Variants in BATF observed in about 807,000 individuals in gnomAD.
BATF encodes basic leucine zipper transcriptional factor ATF-like.
A neutral mutation model predicts 13.7 loss-of-function variants in BATF; 5 were observed. The ratio of observed to expected loss-of-function variants is 0.36; its 90% CI spans 0.19 to 0.77. BATF has a LOEUF of 0.77. Ranked by LOEUF, BATF falls within the 30% of genes least tolerant of loss-of-function variation. The probability of loss-of-function intolerance (pLI) is 0.51; values close to 1 mark genes in which losing one functional copy is unlikely to be tolerated. For synonymous variants in BATF, 72 were observed against 67.5 expected, an observed-to-expected ratio of 1.07 and a Z score of -0.33; for missense variants, 124 against 163.0, an observed-to-expected ratio of 0.76 and a Z score of 1.30.
chr14:75,538,769 C>T (rs1595007393), intron 2 of BATF, among the ~76,000 whole-genome samples: 1 of 152,168 alleles, frequency 6.6e-6, no homozygotes, highest in African/African-American at 2.4e-5. Context: ...GGCATGGTGG[C>T]GGGTGCCCGT....
chr14:75,532,501 A>ATTGTATCTTTTTTTTTTTGAG (rs1415949011), intron 2 of BATF, among the ~76,000 whole-genome samples: 1 of 152,222 alleles, frequency 6.6e-6, no homozygotes, highest in Non-Finnish European at 1.5e-5. Flanking sequence ...ACAATATGTC[A>ATTGTATCTTTTTTTTTTTGAG]ATTGAAATCT....
chr14:75,529,497 A>G (rs779896098), intron 2 of BATF, among the ~76,000 whole-genome samples: 35 of 152,320 alleles, frequency 2.3e-4, no homozygotes, highest in Admixed American at 3.3e-4. Flanking sequence ...AGAAACTTGA[A>G]AAGACAAATA....
intron 2 of BATF, among the ~76,000 whole-genome samples, chr14:75,531,191 A>G (rs552369130): frequency 6.6e-6 from 1 of 152,278 alleles, no homozygotes; most frequent in Non-Finnish European, 1.5e-5. Flanking sequence ...GGGAGAACCA[A>G]CTGTAAGTTG....
In BATF at chr14:75,522,692, A is replaced by C. The variant is rs1417322594; in HGVS notation, c.10A>C (p.Ser4Arg). 1 of 1,614,044 alleles carries C rather than the reference A, an allele frequency of 6.2e-7. No individual in the cohort carries two copies. Among genetic ancestry groups the C allele is most frequent in the African/African-American group, 1.3e-5 (1 of 74,916 alleles). The change falls in exon 1 of 3, where the codon AGC becomes CGC. Residue 4 changes from serine to arginine, a missense_variant. Ser to Arg is a moderately radical substitution (Grantham distance 110). Transcript: ENST00000286639. Reference sequence around the variant, plus strand: ...CCGGAAGATTTCAGCCATGCCTCACAGCTCCGACAGCAGTGACTCCAGCTT... The same window carrying C: ...CCGGAAGATTTCAGCCATGCCTCACCGCTCCGACAGCAGTGACTCCAGCTT... MPH[S>R]SDSSDSSFSR...
intron 2 of BATF, among the ~76,000 whole-genome samples, chr14:75,533,978 C>T (rs1286199215): frequency 2.0e-5 from 3 of 152,256 alleles, no homozygotes; most frequent in African/African-American, 7.2e-5. Flanking sequence ...CAAAGGTGGG[C>T]CAAGAAGCAG....
At chr14:75,536,652 G>T (rs1437822793) in intron 2 of BATF, among the ~76,000 whole-genome samples, 1 of 151,842 alleles carries the variant, frequency 6.6e-6, no homozygotes, top group African/African-American at 2.4e-5. Flanking sequence ...AAGTCCAAGA[G>T]GTCGAGGTTG....
intron 2 of BATF, among the ~76,000 whole-genome samples, chr14:75,525,415 C>A (rs1887637353): frequency 6.6e-6 from 1 of 151,950 alleles, no homozygotes; most frequent in Non-Finnish European, 1.5e-5. Context: ...GTAATCCCAG[C>A]ATTTTGGGAG....
At chr14:75,534,628 C>T (rs1245752862) in intron 2 of BATF, among the ~76,000 whole-genome samples, 1 of 152,196 alleles carries the variant, frequency 6.6e-6, no homozygotes, top group Non-Finnish European at 1.5e-5. Flanking sequence ...TACTTGACAA[C>T]CTGTAACATT....
intron 1 of BATF, among the ~76,000 whole-genome samples, chr14:75,524,410 C>T (rs750448521): frequency 2.0e-5 from 3 of 152,174 alleles, no homozygotes; most frequent in South Asian, 2.1e-4. Context: ...ATCTGGGATG[C>T]ACCCTCAGCT....
chr14:75,531,493 C>G (rs1323002859), intron 2 of BATF, among the ~76,000 whole-genome samples: 1 of 152,176 alleles, frequency 6.6e-6, no homozygotes, highest in African/African-American at 2.4e-5. Context: ...GAGCTGAAAG[C>G]AAGTGAGAGT....
rs963128352 is a variant in BATF at position 75,522,582 on chromosome 14, T to A, written c.-101T>A. The A allele has an allele frequency of 5.8e-6, 8 of 1,371,604 alleles. No individual in the cohort carries two copies. The African/African-American group carries it at 1.0e-4, about 17-fold the overall frequency. The allele number at this position is 1,371,604 out of a possible 1,614,324, so 85.0% of individuals were successfully genotyped here. A position where few individuals can be genotyped will look rare whatever the true frequency, so the allele number is the denominator to read the frequency against. ...CAGAGGAGGCACCTGTAGGGGGTGG[T>A]GGGCTGGTGGCCCAGGAGAAGTCAG... is the stretch of plus-strand genomic sequence containing the variant. On this transcript the variant is annotated 5_prime_UTR_variant, in exon 1 of 3. Coordinates refer to ENST00000286639, the MANE Select transcript of BATF (RefSeq NM_006399.5).
intron 2 of BATF, among the ~76,000 whole-genome samples, chr14:75,530,669 T>C (rs2734261): frequency 0.63 from 95,114 of 152,042 alleles, 33,155 homozygotes; most frequent in Non-Finnish European, 0.76. Context: ...AATGTTTTAT[T>C]TATTTATTTA....
chr14:75,522,651 G>A lies in BATF; in HGVS notation c.-32G>A. 4 of 1,614,008 alleles carry A rather than the reference G, an allele frequency of 2.5e-6. No homozygotes were observed. The highest frequency in any genetic ancestry group is 3.4e-6 in the Non-Finnish European group (4 of 1,179,926). On this transcript the variant is annotated 5_prime_UTR_variant, in exon 1 of 3. Transcript: ENST00000286639. ...GACAAGAGAGCCCAGAGGTGCCTGG[G>A]GCTGAGTGTGAGAGCCCGGAAGATT...
rs548370919 is a variant in BATF, at chr14:75,538,715, C to T, written c.169-7747C>T. ...AGGAGATCGAGACCATCCTGGCTAA[C>T]ACGGTGAAACCATGTCTCTACTAAA... On this transcript the variant is annotated intron_variant, in intron 2 of 2. Coordinates refer to ENST00000286639, the MANE Select transcript of BATF (RefSeq NM_006399.5). 3.7e-3 allele frequency among the ~76,000 whole-genome samples: 566 copies of T among 152,308 alleles called. 2 individuals carry two copies. The highest frequency in any genetic ancestry group is 0.014 in the Middle Eastern group (4 of 294).
intron 2 of BATF, among the ~76,000 whole-genome samples, chr14:75,527,353 A>G (rs1887668286): frequency 6.6e-6 from 1 of 152,178 alleles, no homozygotes; most frequent in Admixed American, 6.5e-5. Context: ...AAGTTTAGAC[A>G]TAAGTTTGAT....
chr14:75,522,817 G>A, intron 1 of BATF, 72 bp downstream of exon 1: 2 of 1,588,110 alleles, frequency 1.3e-6, no homozygotes, highest in Non-Finnish European at 1.7e-6. Context: ...AGGCTTCCTT[G>A]TCCTGCCCAG....
chr14:75,522,507 G>A lies in BATF; in HGVS notation c.-176G>A. ...TGTCCCTTTGGGGAGCAGTCCCTCT[G>A]CACCCCAGAGTGAGGAGGACGCAGG... On this transcript the variant is annotated 5_prime_UTR_variant, in exon 1 of 3. Transcript: ENST00000286639. 1.6e-6 allele frequency: 1 copy of A among 626,764 alleles called. No individual in the cohort carries two copies. The allele number at this position is 626,764 out of a possible 1,614,324, so 38.8% of individuals were successfully genotyped here.
At chr14:75,537,675 T>C (rs1402842707) in intron 2 of BATF, among the ~76,000 whole-genome samples, 1 of 152,214 alleles carries the variant, frequency 6.6e-6, no homozygotes, top group Non-Finnish European at 1.5e-5. Flanking sequence ...TTTAGAATTG[T>C]TTCCACCAAT....
At position 75,525,187 on chromosome 14, in the gene BATF, T is replaced by C. The variant is rs1887632414; in HGVS notation, c.167T>C (p.Leu56Pro). 1.9e-6 allele frequency: 3 copies of C among 1,613,174 alleles called. No homozygotes were observed. Among genetic ancestry groups the C allele is most frequent in the African/African-American group, 1.3e-5 (1 of 74,902 alleles). ...RQTQKADTLH[L>P]ESEDLEKQNA... ...ACACAGAAGGCCGACACCCTGCACC[T>C]GGTAAGTGTTCAGATCAATCTTCAT... The change falls in exon 2 of 3, where the codon CTG (leucine) becomes CCG (proline). Residue 56 changes from leucine (L) to proline (P), a missense_variant and splice_region_variant. Physicochemically the swap from Leu to Pro is moderately conservative, Grantham distance 98. This residue lies in a region of BATF where 65 missense variants were observed against 113.3 expected (regional missense o/e 0.57). Transcript: ENST00000286639.
Sources: gnomAD v4.1 joint callset for allele counts (sites outside exome capture counted in the v4.1 genomes callset) on GRCh38, gnomAD v4.1.1 for gene constraint, gnomAD v4.1.1 regional missense constraint, MANE v1.5 for transcripts, NCBI Gene and HGNC (gene_info 2026-07-23, HGNC 2026-07-21) for gene names.